Variants in ST14 observed in about 807,000 individuals in gnomAD.
The protein encoded by ST14 is ST14 transmembrane serine protease matriptase.
A neutral mutation model predicts 96.5 loss-of-function variants in ST14; 40 were observed. That is an observed-to-expected ratio of 0.41 (90% CI 0.32 to 0.54). The LOEUF (loss-of-function observed/expected upper bound fraction) is 0.54. Ranked by LOEUF, ST14 falls within the 20% of genes least tolerant of loss-of-function variation. The pLI is 0.17. For missense variants in ST14, 1,066 were observed against 1,188.9 expected (o/e 0.90, Z 1.52); for synonymous variants, 506 against 492.1 (o/e 1.03, Z -0.37).
chr11:130,164,862 C>T (rs1235182190), intron 1 of ST14, among the ~76,000 whole-genome samples: 8 of 151,852 alleles, frequency 5.3e-5, no homozygotes, highest in East Asian at 1.9e-4. Context: ...CTCAGCCTCC[C>T]GAGTAGCTGG....
chr11:130,160,202 G>C (rs1952988735), intron 1 of ST14, 142 bp downstream of exon 1: 1 of 555,004 alleles, frequency 1.8e-6, no homozygotes, highest in Non-Finnish European at 2.7e-6. Flanking sequence ...CCTGTTCAGC[G>C]GGTGCCGGGC....
intron 1 of ST14, among the ~76,000 whole-genome samples, chr11:130,178,845 G>A (rs1953164959): frequency 1.3e-5 from 2 of 152,340 alleles, no homozygotes; most frequent in South Asian, 4.1e-4. Context: ...GGGTTTTGGG[G>A]TGTCTGCCAG....
intron 15 of ST14, 21 bp downstream of exon 15, chr11:130,199,090 C>T (rs374102709): frequency 2.5e-5 from 40 of 1,609,812 alleles, no homozygotes; most frequent in South Asian, 1.5e-4. Context: ...CATCCGAGTA[C>T]GGTTGTGCAG....
intron 16 of ST14, among the ~76,000 whole-genome samples, chr11:130,205,158 C>T (rs1003370866): frequency 6.6e-6 from 1 of 151,958 alleles, no homozygotes; most frequent in African/African-American, 2.4e-5. Context: ...GACAGAGTCT[C>T]ACTCTGTCCC....
intron 4 of ST14, among the ~76,000 whole-genome samples, 178 bp downstream of exon 4, chr11:130,189,117 C>T (rs1035434060): frequency 1.3e-5 from 2 of 152,222 alleles, no homozygotes; most frequent in African/African-American, 4.8e-5. Flanking sequence ...CTTCTGCCCC[C>T]ATGGCAAAGG....
chr11:130,161,776 T>TC (rs1953000647), intron 1 of ST14, among the ~76,000 whole-genome samples: 1 of 152,242 alleles, frequency 6.6e-6, no homozygotes, highest in Non-Finnish European at 1.5e-5. Flanking sequence ...CGAGCTTTAT[T>TC]GAACTAACTC....
At chr11:130,203,554 G>A (rs926572733) in intron 16 of ST14, among the ~76,000 whole-genome samples, 4 of 152,242 alleles carry the variant, frequency 2.6e-5, no homozygotes, top group Admixed American at 6.5e-5. Context: ...ACACGGCCAC[G>A]TTATCTGGCC....
chr11:130,205,734 T>C (rs1953480398), intron 16 of ST14, among the ~76,000 whole-genome samples: 1 of 142,014 alleles, frequency 7.0e-6, no homozygotes, highest in African/African-American at 2.6e-5. Flanking sequence ...AGACGCACTC[T>C]TTCGCCCAGT....
chr11:130,194,875 TGC>T, intron 9 of ST14, 138 bp downstream of exon 9: 2 of 792,698 alleles, frequency 2.5e-6, no homozygotes, highest in South Asian at 1.5e-5. Context: ...TGTGTGTGTG[TGC>T]GTATGTGTGT....
chr11:130,203,606 T>A (rs191829522), intron 16 of ST14, among the ~76,000 whole-genome samples: 1 of 152,260 alleles, frequency 6.6e-6, no homozygotes, highest in African/African-American at 2.4e-5. Flanking sequence ...GCAGTCCTCA[T>A]GCCTTCCCCA....
chr11:130,194,272 G>A lies in ST14; in HGVS notation c.999G>A (p.Gln333=). Residue 333 remains glutamine (Q), a synonymous_variant, in exon 8 of 19, where the codon CAG becomes CAA. Coordinates refer to ENST00000278742, the MANE Select transcript of ST14 (RefSeq NM_021978.4). ...RHPGFEATFF[Q]LPRMSSCGGR... ...CCGGCTTTGAGGCCACCTTCTTCCAGCTGCCTAGGATGAGCAGTAAGGAAG... is the reference window on the plus strand; with the variant it reads ...CCGGCTTTGAGGCCACCTTCTTCCAACTGCCTAGGATGAGCAGTAAGGAAG... The A allele has an allele frequency of 1.2e-6, 2 of 1,614,218 alleles. No homozygotes were observed. The highest frequency in any genetic ancestry group is 1.1e-5 in the South Asian group (1 of 91,082).
intron 1 of ST14, among the ~76,000 whole-genome samples, chr11:130,178,962 C>T (rs149467569): frequency 6.6e-6 from 1 of 152,130 alleles, no homozygotes; most frequent in Non-Finnish European, 1.5e-5. Context: ...ATGCTTATAA[C>T]CAATTGTGGG....
chr11:130,173,097 T>C (rs570956255), intron 1 of ST14, among the ~76,000 whole-genome samples: 2 of 152,246 alleles, frequency 1.3e-5, no homozygotes, highest in South Asian at 2.1e-4. Context: ...GCCTCAGTTT[T>C]CCCCCTCTTA....
At chr11:130,209,364 A>T in intron 17 of ST14, 78 bp from the exon 18 acceptor site, 1 of 1,538,242 alleles carries the variant, frequency 6.5e-7, no homozygotes, top group Non-Finnish European at 8.8e-7. Flanking sequence ...TTCTAGTCCA[A>T]TGACCCGTGG....
rs781653020 is a variant in ST14, at chr11:130,194,132, G to T, written c.876-17G>T. ...GTTCTGTCTGCTCTTCCTAATGCCC[G>T]CCCTCTGCCCCCACAGGTTGTGTGG... is the stretch of plus-strand genomic sequence containing the variant. On this transcript the variant is annotated splice_polypyrimidine_tract_variant and intron_variant, in intron 7 of 18. Coordinates refer to ENST00000278742, the MANE Select transcript of ST14 (RefSeq NM_021978.4). 1.1e-5 allele frequency: 18 copies of T among 1,614,072 alleles called. No individual in the cohort carries two copies. In the South Asian group the frequency reaches 1.6e-4, roughly 15 times the overall value.
chr11:130,166,693 C>T (rs1223676151), intron 1 of ST14, among the ~76,000 whole-genome samples: 1 of 152,132 alleles, frequency 6.6e-6, no homozygotes, highest in Non-Finnish European at 1.5e-5. Flanking sequence ...GTGCTTTGCT[C>T]ACTGAACCAC....
chr11:130,204,943 C>T (rs1380008880), intron 16 of ST14, among the ~76,000 whole-genome samples: 3 of 152,116 alleles, frequency 2.0e-5, no homozygotes, highest in East Asian at 1.9e-4. Context: ...GGTGCCCTGG[C>T]TGGGTGGTTC....
chr11:130,203,144 C>T (rs993051973), intron 16 of ST14, among the ~76,000 whole-genome samples: 14 of 151,962 alleles, frequency 9.2e-5, no homozygotes, highest in Admixed American at 2.0e-4. Context: ...GTGAACAGGG[C>T]GGGCTTGGAG....
At chr11:130,209,167 C>G (rs931007367) in intron 17 of ST14, among the ~76,000 whole-genome samples, 1 of 152,168 alleles carries the variant, frequency 6.6e-6, no homozygotes, top group Non-Finnish European at 1.5e-5. Flanking sequence ...ATTTGCGGCG[C>G]CTTCCCTCCG....
Sources: gnomAD v4.1 joint callset for allele counts (sites outside exome capture counted in the v4.1 genomes callset) on GRCh38, gnomAD v4.1.1 for gene constraint, MANE v1.5 for transcripts, NCBI Gene and HGNC (gene_info 2026-07-23, HGNC 2026-07-21) for gene names.